SMC6: variants seen among roughly 807,000 people sequenced by gnomAD.
SMC6 encodes the protein structural maintenance of chromosomes 6.
In SMC6, 79 loss-of-function variants were observed where a neutral mutation model predicts 142.2. The ratio of observed to expected loss-of-function variants is 0.56; its 90% CI spans 0.46 to 0.67. The LOEUF (loss-of-function observed/expected upper bound fraction) is 0.67. Ranked by LOEUF, SMC6 falls within the 30% of genes least tolerant of loss-of-function variation. SMC6 has a pLI of 0.00. For synonymous variants in SMC6, 411 were observed against 412.4 expected, an observed-to-expected ratio of 1.00 and a Z score of 0.04; for missense variants, 1,072 against 1,284.0, an observed-to-expected ratio of 0.83 and a Z score of 2.52.
At chr2:17,717,024 A>G in intron 13 of SMC6, 64 bp downstream of exon 13, 2 of 1,533,930 alleles carry the variant, frequency 1.3e-6, no homozygotes, top group Non-Finnish European at 1.8e-6. Flanking sequence ...TAATACTCCA[A>G]TGCATCTACC....
intron 5 of SMC6, among the ~76,000 whole-genome samples, chr2:17,737,797 A>C (rs758171903): frequency 6.6e-6 from 1 of 152,172 alleles, no homozygotes; most frequent in Non-Finnish European, 1.5e-5. Flanking sequence ...TAGAGAGCTA[A>C]AGACAGAAGT....
At chr2:17,712,874 AG>A (rs1458452745) in intron 16 of SMC6, among the ~76,000 whole-genome samples, 1 of 152,240 alleles carries the variant, frequency 6.6e-6, no homozygotes, top group Non-Finnish European at 1.5e-5. Context: ...AACACCCAAA[AG>A]GATTAGAATC....
intron 7 of SMC6, among the ~76,000 whole-genome samples, chr2:17,727,526 TAC>T (rs1283172689): frequency 1.9e-5 from 2 of 102,864 alleles, no homozygotes; most frequent in South Asian, 3.9e-4. Flanking sequence ...TATATATATA[TAC>T]ACACACACAC....
At position 17,670,492 on chromosome 2, in the gene SMC6, A is replaced by G; in HGVS notation, c.2994T>C (p.Cys998=). 5 of 1,611,756 alleles carry G rather than the reference A, an allele frequency of 3.1e-6. No individual in the cohort carries two copies. Among genetic ancestry groups the G allele is most frequent in the Non-Finnish European group, 4.2e-6 (5 of 1,179,364 alleles). The part of the protein sequence containing the change: ...SGGERSFSTV[C]FILSLWSIAE... ...CGATGGACCACAGGGAAAGAATAAA[A>G]CACACTGTGGAGAAAGAACGTTCAC... Residue 998 remains cysteine, a synonymous_variant, in exon 26 of 28, where the codon TGT becomes TGC. Coordinates refer to ENST00000448223, the MANE Select transcript of SMC6 (RefSeq NM_001142286.2).
intron 27 of SMC6, 30 bp downstream of exon 27, chr2:17,666,390 A>T: frequency 6.9e-7 from 1 of 1,453,624 alleles, no homozygotes; most frequent in Non-Finnish European, 9.6e-7. Context: ...TATATACTTG[A>T]TATGTATCTA....
At chr2:17,728,214 C>T (rs1391742697) in intron 7 of SMC6, among the ~76,000 whole-genome samples, 1 of 152,042 alleles carries the variant, frequency 6.6e-6, no homozygotes, top group Non-Finnish European at 1.5e-5. Flanking sequence ...GGCAGGTGGA[C>T]TGCTTGAGTC....
intron 23 of SMC6, 65 bp from the exon 24 acceptor site, chr2:17,683,828 TCAAA>T: frequency 1.4e-6 from 2 of 1,450,006 alleles, no homozygotes; most frequent in Non-Finnish European, 1.9e-6. Flanking sequence ...CAGTAGAATC[TCAAA>T]CAGATTTAAC....
rs919890396 is a variant in SMC6 at position 17,695,445 on chromosome 2, T to G, written c.2533-148A>C. 9 of 646,246 alleles carry G rather than the reference T, an allele frequency of 1.4e-5. No homozygotes were observed. In the East Asian group the frequency reaches 2.6e-4, roughly 19 times the overall value. The allele number at this position is 646,246 out of a possible 1,614,324, so 40.0% of individuals were successfully genotyped here. A position where few individuals can be genotyped will look rare whatever the true frequency, so the allele number is the denominator to read the frequency against. On this transcript the variant is annotated intron_variant, in intron 22 of 27. Coordinates refer to ENST00000448223, the MANE Select transcript of SMC6 (RefSeq NM_001142286.2). ...CATTTAATATCAATGTTATTTATAT[T>G]TATCTAAGTTTTATATTGAAGATAA...
At chr2:17,702,591 T>TG (rs1338714257) in intron 19 of SMC6, among the ~76,000 whole-genome samples, 1 of 152,184 alleles carries the variant, frequency 6.6e-6, no homozygotes, top group Non-Finnish European at 1.5e-5. Flanking sequence ...TGATATGGTT[T>TG]GGCTGTGTCC....
rs895013412 is a variant in SMC6, at chr2:17,667,430, G to A, written c.3064-913C>T. Among the ~76,000 whole-genome samples the A allele has an allele frequency of 8.5e-5, 13 of 152,318 alleles. 1 individual carries two copies. Among genetic ancestry groups the A allele is most frequent in the South Asian group, 4.1e-4 (2 of 4,828 alleles). Reference sequence around the variant, plus strand: ...TTTTGGGATTAAATGGTCTAGACCTGTGGCTACATTTTCTGAGTTAAGTAA... The same window carrying A: ...TTTTGGGATTAAATGGTCTAGACCTATGGCTACATTTTCTGAGTTAAGTAA... On this transcript the variant is annotated intron_variant, in intron 26 of 27. Transcript: ENST00000448223.
chr2:17,709,048 C>G (rs1188393460), intron 16 of SMC6, among the ~76,000 whole-genome samples: 1 of 151,980 alleles, frequency 6.6e-6, no homozygotes, highest in Admixed American at 6.6e-5. Context: ...TAGTATTATT[C>G]TCTCCACATT....
At chr2:17,702,085 A>G (rs1037714432) in intron 19 of SMC6, among the ~76,000 whole-genome samples, 176 bp from the exon 20 acceptor site, 8 of 152,202 alleles carry the variant, frequency 5.3e-5, no homozygotes, top group African/African-American at 1.9e-4. Context: ...AAATTCTGCC[A>G]TATCATTCTT....
intron 3 of SMC6, among the ~76,000 whole-genome samples, chr2:17,745,107 C>G (rs1662291916): frequency 6.6e-6 from 1 of 152,116 alleles, no homozygotes; most frequent in Admixed American, 6.5e-5. Flanking sequence ...TTGCTGAATT[C>G]TCCTTGCAAA....
chr2:17,678,663 C>A (rs574552383), intron 25 of SMC6, among the ~76,000 whole-genome samples, 196 bp downstream of exon 25: 1 of 151,302 alleles, frequency 6.6e-6, no homozygotes, highest in Non-Finnish European at 1.5e-5. Flanking sequence ...ATACTCCTAG[C>A]TACTTGGGAG....
At chr2:17,696,215 C>G (rs1667978526) in intron 22 of SMC6, 74 bp downstream of exon 22, 2 of 1,513,810 alleles carry the variant, frequency 1.3e-6, no homozygotes, top group Non-Finnish European at 1.8e-6. Context: ...AGAAACATGA[C>G]ATTAGGGAAA....
intron 15 of SMC6, 135 bp downstream of exon 15, chr2:17,715,951 C>A (rs556587887): frequency 4.1e-6 from 3 of 738,290 alleles, no homozygotes; most frequent in South Asian, 5.1e-5. Context: ...AAATATAAAA[C>A]GAAAGCTACA....
chr2:17,732,004 C>A, intron 5 of SMC6, 127 bp from the exon 6 acceptor site: 1 of 807,744 alleles, frequency 1.2e-6, no homozygotes. Flanking sequence ...ATTAGATTTA[C>A]ATCAACAGCT....
chr2:17,732,677 C>T (rs533662599), intron 5 of SMC6, among the ~76,000 whole-genome samples: 1 of 149,474 alleles, frequency 6.7e-6, no homozygotes, highest in East Asian at 2.0e-4. Context: ...CCAGCCTGGG[C>T]GACAGAGAGA....
intron 6 of SMC6, 96 bp from the exon 7 acceptor site, chr2:17,731,235 TTTCA>T: frequency 1.3e-6 from 1 of 775,344 alleles, no homozygotes; most frequent in East Asian, 2.6e-5. Flanking sequence ...ATTAGTTAGC[TTTCA>T]TTGCATCATC....
Sources: gnomAD v4.1 joint callset for allele counts (sites outside exome capture counted in the v4.1 genomes callset) on GRCh38, gnomAD v4.1.1 for gene constraint, MANE v1.5 for transcripts, NCBI Gene and HGNC (gene_info 2026-07-23, HGNC 2026-07-21) for gene names.